The following GANC variants were observed in gnomAD, a reference collection of about 807,000 sequenced individuals.
GANC encodes neutral alpha-glucosidase C.
A neutral mutation model predicts 124.2 loss-of-function variants in GANC; 117 were observed. The ratio of observed to expected loss-of-function variants is 0.94; its 90% CI spans 0.81 to 1.10. GANC has a LOEUF of 1.10. GANC is among the 50% of genes least tolerant of loss of function. The pLI is 0.00. For missense variants in GANC, 1,140 were observed against 1,095.0 expected (o/e 1.04, Z -0.58); for synonymous variants, 377 against 376.8 (o/e 1.00, Z -0.01).
intron 8 of GANC, among the ~76,000 whole-genome samples, chr15:42,309,903 C>T (rs2052034532): frequency 6.6e-6 from 1 of 152,056 alleles, no homozygotes; most frequent in South Asian, 2.1e-4. Context: ...ACCTGTATTC[C>T]CCGCTACTTG....
At chr15:42,274,553 T>C in intron 1 of GANC, 43 bp downstream of exon 1, 1 of 1,566,660 alleles carries the variant, frequency 6.4e-7, no homozygotes, top group South Asian at 1.2e-5. Flanking sequence ...CCAGGGTCCC[T>C]AGAAACAGGG....
intron 3 of GANC, chr15:42,280,836 C>T: frequency 1.5e-6 from 1 of 652,402 alleles, no homozygotes; most frequent in Non-Finnish European, 2.8e-6. Context: ...TTGCGGTGGA[C>T]ACCCACATAT....
chr15:42,334,336 A>AT (rs2052268183), intron 15 of GANC, among the ~76,000 whole-genome samples: 1 of 152,052 alleles, frequency 6.6e-6, no homozygotes, highest in Non-Finnish European at 1.5e-5. Flanking sequence ...TAACTTTTAC[A>AT]TTTTTAGTAG....
At chr15:42,311,384 A>G (rs545841072) in intron 10 of GANC, among the ~76,000 whole-genome samples, 53 of 152,358 alleles carry the variant, frequency 3.5e-4, no homozygotes, top group African/African-American at 1.2e-3. Context: ...GATCCTATAT[A>G]TAGAAAATCC....
Position 42,330,713 on chromosome 15 carries a change from A to T in GANC, c.1741+41A>T, listed in dbSNP as rs2052237100. 5.1e-6 allele frequency: 7 copies of T among 1,375,030 alleles called. No homozygotes were observed. The East Asian group carries it at 1.7e-4, about 33-fold the overall frequency. The allele number at this position is 1,375,030 out of a possible 1,614,324, so 85.2% of individuals were successfully genotyped here. ...TATCAGACTTAAAAACACATTAGCA[A>T]CTTTTTTTTTAACCATTTATAGAAT... On this transcript the variant is annotated intron_variant, in intron 15 of 23. Coordinates refer to ENST00000318010, the MANE Select transcript of GANC (RefSeq NM_198141.3).
intron 11 of GANC, among the ~76,000 whole-genome samples, chr15:42,324,861 C>A (rs555774482): frequency 1.3e-5 from 2 of 152,064 alleles, no homozygotes; most frequent in African/African-American, 4.8e-5. Context: ...TGAGAGAGTT[C>A]TGGAGATTGA....
chr15:42,299,616 A>G (rs930632899), intron 6 of GANC, among the ~76,000 whole-genome samples: 3 of 152,230 alleles, frequency 2.0e-5, no homozygotes, highest in African/African-American at 7.2e-5. Flanking sequence ...CTTAAATTTC[A>G]TATGGAATCA....
intron 6 of GANC, among the ~76,000 whole-genome samples, chr15:42,300,382 C>T (rs2051933829): frequency 6.6e-6 from 1 of 152,040 alleles, no homozygotes; most frequent in Non-Finnish European, 1.5e-5. Context: ...CAGAGAAATG[C>T]AAATCAAAAC....
chr15:42,328,228 A>T (rs538245993), intron 13 of GANC, among the ~76,000 whole-genome samples: 1 of 152,204 alleles, frequency 6.6e-6, no homozygotes, highest in African/African-American at 2.4e-5. Flanking sequence ...CTAATAAACA[A>T]CTTAGTACAG....
intron 20 of GANC, among the ~76,000 whole-genome samples, chr15:42,346,470 A>C (rs1291737703): frequency 6.6e-6 from 1 of 152,152 alleles, no homozygotes; most frequent in Admixed American, 6.5e-5. Flanking sequence ...ATATGCTGAA[A>C]ACTGTTTAAT....
chr15:42,324,686 A>G (rs1191190709), intron 11 of GANC, among the ~76,000 whole-genome samples: 2 of 152,230 alleles, frequency 1.3e-5, no homozygotes, highest in African/African-American at 4.8e-5. Context: ...AAGTGAAATA[A>G]GCCAGTTACA....
chr15:42,306,408 C>T (rs1009620125), intron 6 of GANC, 138 bp from the exon 7 acceptor site: 18 of 653,142 alleles, frequency 2.8e-5, no homozygotes, highest in South Asian at 1.0e-4. Context: ...AAGGTACTGA[C>T]GTCACACACT....
At chr15:42,313,051 A>G (rs1323020774) in intron 10 of GANC, among the ~76,000 whole-genome samples, 1 of 152,136 alleles carries the variant, frequency 6.6e-6, no homozygotes, top group Non-Finnish European at 1.5e-5. Flanking sequence ...CACCCAAAAC[A>G]CTGGGATTAC....
rs1021346894 is a variant in GANC, at chr15:42,273,561, G to T, written c.-921G>T. ...GCCCCTCTCTCAGACAGTCGTCTGT[G>T]CGCCGTGAGACTTTGGACCTACTGC... On this transcript the variant is annotated 5_prime_UTR_variant, in exon 1 of 24. Coordinates refer to ENST00000318010, the MANE Select transcript of GANC (RefSeq NM_198141.3). 2 of 1,285,730 alleles carry T rather than the reference G, an allele frequency of 1.6e-6. No individual in the cohort carries two copies. The highest frequency in any genetic ancestry group is 1.0e-6 in the Non-Finnish European group (1 of 953,180). 79.6% of individuals were successfully genotyped at this position (1,285,730 alleles called of 1,614,324 possible).
intron 16 of GANC, among the ~76,000 whole-genome samples, chr15:42,338,759 C>T (rs1055190179): frequency 9.2e-5 from 14 of 152,186 alleles, no homozygotes; most frequent in African/African-American, 1.2e-4. Context: ...CCTTCCTAGA[C>T]GCTCTTGATA....
chr15:42,273,605 G>T lies in GANC; in HGVS notation c.-877G>T, dbSNP rs1483128846. On this transcript the variant is annotated 5_prime_UTR_variant, in exon 1 of 24. Coordinates refer to ENST00000318010, the MANE Select transcript of GANC (RefSeq NM_198141.3). Reference sequence around the variant, plus strand: ...CTACTGCGCAGGCGTCATCCTGTTGGAACCTGGTCAGCTGGGTTAGAGAGA... The same window carrying T: ...CTACTGCGCAGGCGTCATCCTGTTGTAACCTGGTCAGCTGGGTTAGAGAGA... The T allele has an allele frequency of 1.3e-6, 1 of 793,860 alleles. No homozygotes were observed. The highest frequency in any genetic ancestry group is 1.9e-6 in the Non-Finnish European group (1 of 516,260). 49.2% of individuals were successfully genotyped at this position (793,860 alleles called of 1,614,324 possible). A position where few individuals can be genotyped will look rare whatever the true frequency, so the allele number is the denominator to read the frequency against.
Position 42,345,811 on chromosome 15 carries a change from G to C in GANC, c.2283G>C (p.Lys761Asn). 6.2e-7 allele frequency: 1 copy of C among 1,610,758 alleles called. No individual in the cohort carries two copies. Among genetic ancestry groups the C allele is most frequent in the Non-Finnish European group, 8.5e-7 (1 of 1,177,036 alleles). Residue 761 changes from lysine (K) to asparagine (N), a missense_variant, in exon 20 of 24, where the codon AAG (lysine) becomes AAC (asparagine). Lys to Asn is a moderately conservative substitution (Grantham distance 94, BLOSUM62 0). Coordinates refer to ENST00000318010, the MANE Select transcript of GANC (RefSeq NM_198141.3). The part of the protein sequence containing the change: ...FAHWEGGCTV[K>N]IPVALDTIPV... ...ATTGGGAAGGAGGGTGTACTGTAAA[G>C]ATCCCAGTAGCCTTGGACACTGTAA... is the stretch of plus-strand genomic sequence containing the variant.
chr15:42,338,019 G>A (rs965011986), intron 15 of GANC, among the ~76,000 whole-genome samples: 3 of 152,064 alleles, frequency 2.0e-5, no homozygotes, highest in South Asian at 4.2e-4. Context: ...CCGAGATCAC[G>A]GCACTGCACT....
chr15:42,323,037 C>A (rs2052173605), intron 11 of GANC, among the ~76,000 whole-genome samples: 1 of 152,200 alleles, frequency 6.6e-6, no homozygotes. Context: ...TAAATAGTTA[C>A]CATATATCAA....
Sources: allele counts gnomAD v4.1 joint callset (sites outside exome capture counted in the v4.1 genomes callset), GRCh38; gene constraint gnomAD v4.1.1; transcripts MANE v1.5; gene names NCBI Gene and HGNC (gene_info 2026-07-23, HGNC 2026-07-21).